PRKCB: variants seen among roughly 807,000 people sequenced by gnomAD.
The protein encoded by PRKCB is protein kinase C beta.
Under a neutral mutation model 81.5 loss-of-function variants are expected in PRKCB, and 13 were observed. The observed-to-expected ratio is 0.16, with a 90% CI of 0.10 to 0.25. PRKCB has a LOEUF of 0.25. Ranked by LOEUF, PRKCB falls within the 10% of genes least tolerant of loss-of-function variation. PRKCB has a pLI of 1.00. For synonymous variants in PRKCB, 335 were observed against 321.4 expected (o/e 1.04, Z -0.45); for missense variants, 509 against 875.7 (o/e 0.58, Z 5.29).
chr16:23,881,017 A>G (rs867880933), intron 2 of PRKCB, among the ~76,000 whole-genome samples: 1 of 152,102 alleles, frequency 6.6e-6, no homozygotes, highest in Admixed American at 6.5e-5. Context: ...TCACTGTTAC[A>G]AGCAGTGCTC....
chr16:24,077,163 G>A (rs192129090), intron 5 of PRKCB, among the ~76,000 whole-genome samples: 24 of 152,196 alleles, frequency 1.6e-4, no homozygotes, highest in Non-Finnish European at 1.6e-4. Context: ...CCATTTGGAA[G>A]TATTTTGAAG....
Position 23,976,798 on chromosome 16 carries a change from C to T in PRKCB, c.206-11710C>T, listed in dbSNP as rs535837117. On this transcript the variant is annotated intron_variant, in intron 2 of 16. Transcript: ENST00000643927. Reference sequence around the variant, plus strand: ...GTCATGGGGTCAAGGACAGTCTCCACGTGCCACCCAAACAGGAAGGATGTC... The same window carrying T: ...GTCATGGGGTCAAGGACAGTCTCCATGTGCCACCCAAACAGGAAGGATGTC... Among the ~76,000 whole-genome samples, 27 of 152,276 alleles carry T rather than the reference C, an allele frequency of 1.8e-4. No homozygotes were observed. In the South Asian group the frequency reaches 5.2e-3, roughly 29 times the overall value.
intron 5 of PRKCB, among the ~76,000 whole-genome samples, chr16:24,049,478 C>A (rs1477900294): frequency 8.2e-6 from 1 of 121,498 alleles, no homozygotes; most frequent in African/African-American, 2.8e-5. Context: ...ACTAACCTGG[C>A]ACAACCAGGA....
Position 24,216,496 on chromosome 16 carries a change from C to T in PRKCB, c.*1680C>T, listed in dbSNP as rs1005019752. 15 of 985,292 alleles carry T rather than the reference C, an allele frequency of 1.5e-5. No individual in the cohort carries two copies. Among genetic ancestry groups the T allele is most frequent in the African/African-American group, 5.2e-5 (3 of 57,242 alleles). 61.0% of individuals were successfully genotyped at this position (985,292 alleles called of 1,614,324 possible). On this transcript the variant is annotated 3_prime_UTR_variant, in exon 17 of 17. Coordinates refer to ENST00000643927, the MANE Select transcript of PRKCB (RefSeq NM_002738.7). ...TCTAAGGAGAATTCTTATCACAGTT[C>T]AAGTGATTTCCAGAAGTTCCAGGGC... is the stretch of plus-strand genomic sequence containing the variant.
At chr16:24,147,916 T>G (rs1167355835) in intron 9 of PRKCB, among the ~76,000 whole-genome samples, 1 of 152,248 alleles carries the variant, frequency 6.6e-6, no homozygotes, top group Non-Finnish European at 1.5e-5. Flanking sequence ...AAGTCCAAAC[T>G]GTCCCAACGT....
At chr16:23,948,185 A>C (rs1964229492) in intron 2 of PRKCB, among the ~76,000 whole-genome samples, 2 of 152,100 alleles carry the variant, frequency 1.3e-5, no homozygotes, top group Admixed American at 1.3e-4. Flanking sequence ...TATTCACAGC[A>C]TCTGTAGTGC....
intron 3 of PRKCB, among the ~76,000 whole-genome samples, chr16:24,020,972 TTCTTTTTCTTTCTTTC>T (rs1317484716): frequency 9.2e-5 from 9 of 98,158 alleles, no homozygotes; most frequent in African/African-American, 3.5e-4. Flanking sequence ...AGAGAGACTT[TTCTTTTTCTTTCTTTC>T]TTTCTTTCTT....
intron 9 of PRKCB, among the ~76,000 whole-genome samples, chr16:24,151,277 A>G (rs962927731): frequency 2.6e-5 from 4 of 152,238 alleles, no homozygotes; most frequent in African/African-American, 9.6e-5. Flanking sequence ...AGCCAGCAGT[A>G]TATAGCTAGA....
chr16:23,898,770 A>G (rs909631834), intron 2 of PRKCB, among the ~76,000 whole-genome samples: 1 of 152,160 alleles, frequency 6.6e-6, no homozygotes, highest in Non-Finnish European at 1.5e-5. Flanking sequence ...ATGAGTAACA[A>G]TGGCAACTAC....
At chr16:23,880,374 C>G (rs865940791) in intron 2 of PRKCB, among the ~76,000 whole-genome samples, 1 of 152,068 alleles carries the variant, frequency 6.6e-6, no homozygotes, top group Non-Finnish European at 1.5e-5. Context: ...TGCTTCCTGC[C>G]TCCTTCTCCC....
intron 9 of PRKCB, among the ~76,000 whole-genome samples, chr16:24,140,423 A>C (rs1403779885): frequency 6.6e-6 from 1 of 152,046 alleles, no homozygotes; most frequent in Non-Finnish European, 1.5e-5. Context: ...TCAAGAGGGG[A>C]ATTATAATAG....
At chr16:24,055,884 T>G (rs1352582529) in intron 5 of PRKCB, among the ~76,000 whole-genome samples, 1 of 152,196 alleles carries the variant, frequency 6.6e-6, no homozygotes, top group Non-Finnish European at 1.5e-5. Flanking sequence ...TACAACAGCC[T>G]ACTAAGTGCC....
chr16:24,080,094 A>G (rs1966230284), intron 5 of PRKCB, among the ~76,000 whole-genome samples: 1 of 152,118 alleles, frequency 6.6e-6, no homozygotes, highest in Non-Finnish European at 1.5e-5. Context: ...CTAGCTTTTG[A>G]AAGATCACTT....
chr16:23,928,864 G>A (rs935005417), intron 2 of PRKCB, among the ~76,000 whole-genome samples: 4 of 151,774 alleles, frequency 2.6e-5, no homozygotes, highest in African/African-American at 7.3e-5. Flanking sequence ...GATTACAGGC[G>A]CCCACAACCA....
At chr16:23,979,538 G>A (rs1392471444) in intron 2 of PRKCB, among the ~76,000 whole-genome samples, 1 of 152,144 alleles carries the variant, frequency 6.6e-6, no homozygotes, top group Non-Finnish European at 1.5e-5. Flanking sequence ...TGCCTGTGGG[G>A]GAAATCACAG....
intron 5 of PRKCB, among the ~76,000 whole-genome samples, chr16:24,080,259 A>G (rs1266346721): frequency 1.3e-5 from 2 of 152,226 alleles, no homozygotes; most frequent in African/African-American, 2.4e-5. Flanking sequence ...GCCCAGCACA[A>G]TACCAGGATT....
intron 10 of PRKCB, among the ~76,000 whole-genome samples, chr16:24,161,478 C>A (rs1285806667): frequency 6.6e-6 from 1 of 151,958 alleles, no homozygotes; most frequent in Non-Finnish European, 1.5e-5. Flanking sequence ...GAACTTACAT[C>A]ATTGCAGAAG....
chr16:23,957,549 G>A (rs1453358004), intron 2 of PRKCB, among the ~76,000 whole-genome samples: 1 of 152,140 alleles, frequency 6.6e-6, no homozygotes, highest in African/African-American at 2.4e-5. Context: ...TGTTTACTGG[G>A]GGCCAGTGCC....
intron 16 of PRKCB, among the ~76,000 whole-genome samples, chr16:24,207,300 T>C (rs936687387): frequency 5.3e-5 from 8 of 152,224 alleles, no homozygotes; most frequent in Non-Finnish European, 1.0e-4. Flanking sequence ...TGATAATTGC[T>C]GTCTCATTTA....
Sources: allele counts gnomAD v4.1 joint callset (sites outside exome capture counted in the v4.1 genomes callset), GRCh38; gene constraint gnomAD v4.1.1; transcripts MANE v1.5; gene names NCBI Gene and HGNC (gene_info 2026-07-23, HGNC 2026-07-21).